Variants in PLEKHA2 observed in about 807,000 individuals in gnomAD.
PLEKHA2 encodes pleckstrin homology domain-containing family A member 2.
Under a neutral mutation model 53.2 loss-of-function variants are expected in PLEKHA2, and 28 were observed. The ratio of observed to expected loss-of-function variants is 0.53; its 90% confidence interval spans 0.39 to 0.72. The LOEUF (loss-of-function observed/expected upper bound fraction) is 0.72. Ranked by LOEUF, PLEKHA2 falls within the 30% of genes least tolerant of loss-of-function variation. The pLI, the probability that PLEKHA2 is intolerant of heterozygous loss-of-function variation, is 0.00. For synonymous variants in PLEKHA2, 193 were observed against 196.4 expected (o/e 0.98, Z 0.14); for missense variants, 426 against 537.9 (o/e 0.79, Z 2.06).
chr8:38,956,489 T>A (rs1030993282), intron 9 of PLEKHA2, among the ~76,000 whole-genome samples: 1 of 152,124 alleles, frequency 6.6e-6, no homozygotes, highest in Non-Finnish European at 1.5e-5. Flanking sequence ...GAGAGGCCAA[T>A]GGCAGTGGAG....
intron 3 of PLEKHA2, among the ~76,000 whole-genome samples, chr8:38,941,900 A>C (rs1334368938): frequency 1.3e-5 from 2 of 152,206 alleles, no homozygotes. Context: ...ATAAGGTGCC[A>C]CCTCAGTTCC....
chr8:38,954,683 T>G (rs1326961987), intron 9 of PLEKHA2, among the ~76,000 whole-genome samples: 3 of 152,142 alleles, frequency 2.0e-5, no homozygotes, highest in African/African-American at 7.2e-5. Context: ...TGATAATCAA[T>G]TAATATTTGT....
At chr8:38,918,253 CCA>C (rs1347740917) in intron 2 of PLEKHA2, among the ~76,000 whole-genome samples, 183 bp downstream of exon 2, 11 of 143,888 alleles carry the variant, frequency 7.6e-5, no homozygotes, top group Admixed American at 1.4e-4. Context: ...TGCACACACA[CCA>C]CACACACCCC....
chr8:38,935,979 C>CTA lies in PLEKHA2; in HGVS notation c.142-13_142-12dup. The CTA allele has an allele frequency of 1.9e-6, 3 of 1,612,776 alleles. No homozygotes were observed. Among genetic ancestry groups the CTA allele is most frequent in the Non-Finnish European group, 2.5e-6 (3 of 1,178,990 alleles). On this transcript the variant is annotated splice_polypyrimidine_tract_variant and intron_variant, in intron 2 of 11. Coordinates refer to ENST00000617275, the MANE Select transcript of PLEKHA2 (RefSeq NM_021623.2). The stretch of plus-strand genomic sequence containing the variant: ...TTCCACAGCCTTCTTAAAATGAAAA[C>CTA]TATGTGTCTTTCAGAATCTGGCAAT...
At chr8:38,930,957 G>A (rs1047200389) in intron 2 of PLEKHA2, among the ~76,000 whole-genome samples, 9 of 152,202 alleles carry the variant, frequency 5.9e-5, no homozygotes, top group Non-Finnish European at 8.8e-5. Context: ...TGAGAATGAA[G>A]CATGCGTCTT....
Position 38,936,038 on chromosome 8 carries a change from C to G in PLEKHA2, c.186C>G (p.Thr62=), listed in dbSNP as rs751068768. The change falls in exon 3 of 12, where the codon ACC becomes ACG. Residue 62 remains threonine (T), a synonymous_variant. Transcript: ENST00000617275. ...GAGCTGTTGGAGCTTTGCAGCTGAC[C>G]TACATCTCGAAGGTAATGTTGACCT... The part of the protein sequence containing the change: ...GAGAVGALQL[T]YISKVSIATP... 6.8e-6 allele frequency: 11 copies of G among 1,613,350 alleles called. No individual in the cohort carries two copies. The East Asian group carries it at 2.5e-4, about 36-fold the overall frequency.
At position 38,945,069 on chromosome 8, in the gene PLEKHA2, C is replaced by T. The variant is rs112574357; in HGVS notation, c.248-1055C>T. 5.1e-3 allele frequency among the ~76,000 whole-genome samples: 772 copies of T among 152,280 alleles called. 5 individuals carry two copies. Among genetic ancestry groups the T allele is most frequent in the African/African-American group, 0.018 (740 of 41,550 alleles). ...ACATGTTGGGGGATGGTGTAGGAGG[C>T]AGAGTCACCGTGCATGGGTGCCTCA... On this transcript the variant is annotated intron_variant, in intron 4 of 11. Transcript: ENST00000617275.
chr8:38,964,852 CTTTTTTTTTTTTTT>C (rs56714628), intron 10 of PLEKHA2, among the ~76,000 whole-genome samples: 15 of 54,966 alleles, frequency 2.7e-4, no homozygotes, highest in South Asian at 8.3e-4. Flanking sequence ...TGTTACTTCC[CTTTTTTTTTTTTTT>C]TTTTTTTTTT....
chr8:38,962,290 A>G (rs559523814), intron 10 of PLEKHA2, among the ~76,000 whole-genome samples: 4 of 152,262 alleles, frequency 2.6e-5, no homozygotes, highest in African/African-American at 9.6e-5. Context: ...GGAGTGCGAC[A>G]CCAGCCTCAG....
chr8:38,956,437 G>A (rs1211613766), intron 9 of PLEKHA2, among the ~76,000 whole-genome samples: 2 of 152,184 alleles, frequency 1.3e-5, no homozygotes, highest in Non-Finnish European at 2.9e-5. Context: ...TGCTGTGAGG[G>A]TGGAGGAGAC....
intron 6 of PLEKHA2, among the ~76,000 whole-genome samples, 182 bp downstream of exon 6, chr8:38,951,172 C>A (rs367666313): frequency 6.6e-6 from 1 of 152,162 alleles, no homozygotes; most frequent in Non-Finnish European, 1.5e-5. Flanking sequence ...GTGTTAGTGA[C>A]GGCAGTGCGG....
chr8:38,958,115 A>G (rs893620815), intron 10 of PLEKHA2, among the ~76,000 whole-genome samples: 1 of 152,166 alleles, frequency 6.6e-6, no homozygotes, highest in Non-Finnish European at 1.5e-5. Flanking sequence ...ACTTGAGGTC[A>G]GGAGTTTGAG....
At chr8:38,956,182 G>C (rs1834937075) in intron 9 of PLEKHA2, among the ~76,000 whole-genome samples, 1 of 152,198 alleles carries the variant, frequency 6.6e-6, no homozygotes, top group Non-Finnish European at 1.5e-5. Flanking sequence ...GATATACGCG[G>C]CAGGCATTTA....
intron 2 of PLEKHA2, among the ~76,000 whole-genome samples, chr8:38,926,963 A>G (rs1834300401): frequency 6.6e-6 from 1 of 152,236 alleles, no homozygotes; most frequent in South Asian, 2.1e-4. Context: ...TAAGTAGCAC[A>G]TTGAAAGAAT....
chr8:38,909,974 T>C (rs1221813861), intron 1 of PLEKHA2, among the ~76,000 whole-genome samples: 3 of 151,696 alleles, frequency 2.0e-5, no homozygotes, highest in Non-Finnish European at 4.4e-5. Flanking sequence ...TTTTTTTTTT[T>C]GAGATGGAGT....
At chr8:38,903,198 A>G (rs1014537779) in intron 1 of PLEKHA2, among the ~76,000 whole-genome samples, 1 of 152,220 alleles carries the variant, frequency 6.6e-6, no homozygotes, top group Admixed American at 6.5e-5. Flanking sequence ...TGTTGCCTTT[A>G]CACCTAAGTA....
chr8:38,964,203 G>A (rs1246089216), intron 10 of PLEKHA2, among the ~76,000 whole-genome samples: 1 of 152,124 alleles, frequency 6.6e-6, no homozygotes, highest in African/African-American at 2.4e-5. Context: ...GTGAGTAGCA[G>A]CATTATTCAT....
At chr8:38,968,206 C>G (rs1054460510) in intron 10 of PLEKHA2, among the ~76,000 whole-genome samples, 2 of 152,170 alleles carry the variant, frequency 1.3e-5, no homozygotes, top group Admixed American at 1.3e-4. Context: ...GAACTCGAAT[C>G]TCTACCAGCC....
intron 1 of PLEKHA2, among the ~76,000 whole-genome samples, chr8:38,916,044 C>T (rs1834054405): frequency 6.6e-6 from 1 of 152,054 alleles, no homozygotes; most frequent in South Asian, 2.1e-4. Context: ...GGTGTGATCT[C>T]GTCTCACTAT....
Sources: allele counts gnomAD v4.1 joint callset (sites outside exome capture counted in the v4.1 genomes callset), GRCh38; gene constraint gnomAD v4.1.1; transcripts MANE v1.5; gene names NCBI Gene and HGNC (gene_info 2026-07-23, HGNC 2026-07-21).